The following DIAPH1 variants were observed in gnomAD, a reference collection of about 807,000 sequenced individuals.
DIAPH1 encodes the protein protein diaphanous homolog 1.
Under a neutral mutation model 140.7 loss-of-function variants are expected in DIAPH1, and 46 were observed. The ratio of observed to expected loss-of-function variants is 0.33; its 90% CI spans 0.26 to 0.42. DIAPH1 has a LOEUF of 0.42. Among genes scored for constraint, DIAPH1 ranks in the 10% least tolerant of loss-of-function variants. The pLI, the probability that DIAPH1 is intolerant of heterozygous loss-of-function variation, is 1.00. For missense variants in DIAPH1, 1,310 were observed against 1,558.7 expected, an observed-to-expected ratio of 0.84 and a Z score of 2.69; for synonymous variants, 565 against 551.6, an observed-to-expected ratio of 1.02 and a Z score of -0.34.
At chr5:141,521,682 CCT>C (rs1278606466) in intron 27 of DIAPH1, among the ~76,000 whole-genome samples, 1 of 152,140 alleles carries the variant, frequency 6.6e-6, no homozygotes, top group African/African-American at 2.4e-5. Flanking sequence ...TTCCACAGTG[CCT>C]CTGTTTTTTT....
At chr5:141,611,439 G>A (rs1353280520) in intron 1 of DIAPH1, among the ~76,000 whole-genome samples, 1 of 152,034 alleles carries the variant, frequency 6.6e-6, no homozygotes, top group Non-Finnish European at 1.5e-5. Flanking sequence ...CACGCCTGTA[G>A]TCCCAGCTAC....
At chr5:141,572,487 A>C (rs975627427) in intron 16 of DIAPH1, among the ~76,000 whole-genome samples, 6 of 152,296 alleles carry the variant, frequency 3.9e-5, no homozygotes, top group Admixed American at 2.6e-4. Flanking sequence ...ACATCATGGG[A>C]ACAATACTGT....
intron 27 of DIAPH1, among the ~76,000 whole-genome samples, chr5:141,522,592 A>AAAAAAAC (rs2099886725): frequency 1.3e-5 from 2 of 152,090 alleles, no homozygotes; most frequent in African/African-American, 4.8e-5. Context: ...AAAAAAAAAA[A>AAAAAAAC]AAAAAACAAT....
intron 18 of DIAPH1, among the ~76,000 whole-genome samples, chr5:141,567,320 G>A (rs1423034304): frequency 6.6e-6 from 1 of 152,048 alleles, no homozygotes; most frequent in African/African-American, 2.4e-5. Flanking sequence ...GAGGAGGTAT[G>A]GTACTTTTTC....
At chr5:141,522,578 C>CAAAAAAAAAA (rs5871776) in intron 27 of DIAPH1, among the ~76,000 whole-genome samples, 3 of 88,948 alleles carry the variant, frequency 3.4e-5, no homozygotes, top group Admixed American at 1.3e-4. Flanking sequence ...CCGACGGGGT[C>CAAAAAAAAAA]AAAAAAAAAA....
chr5:141,538,946 T>C (rs2099889524), intron 18 of DIAPH1, among the ~76,000 whole-genome samples: 1 of 152,150 alleles, frequency 6.6e-6, no homozygotes, highest in Non-Finnish European at 1.5e-5. Context: ...GATGTCATTG[T>C]CTGATTTTGC....
rs371556441 is a variant in DIAPH1 at position 141,529,284 on chromosome 5, G to A, written c.2677-11C>T. ...TTGCTTAATGAGGTTCTGAAAGACAGAAGAGACATCTCAGCTGGAGGGGAA... is the reference window on the plus strand; with the variant it reads ...TTGCTTAATGAGGTTCTGAAAGACAAAAGAGACATCTCAGCTGGAGGGGAA... On this transcript the variant is annotated splice_polypyrimidine_tract_variant and intron_variant, in intron 20 of 27. Coordinates refer to ENST00000389054, the MANE Select transcript of DIAPH1 (RefSeq NM_005219.5). 128 of 1,608,680 alleles carry A rather than the reference G, an allele frequency of 8.0e-5. No individual in the cohort carries two copies. Among genetic ancestry groups the A allele is most frequent in the Non-Finnish European group, 1.0e-4 (121 of 1,175,122 alleles).
chr5:141,574,895 G>A, intron 15 of DIAPH1, 72 bp downstream of exon 15: 2 of 1,534,354 alleles, frequency 1.3e-6, no homozygotes, highest in South Asian at 2.2e-5. Context: ...GGAGCGAGAT[G>A]ACTGACTCCT....
rs1212603939 is a variant in DIAPH1, at chr5:141,618,905, G to C, written c.10C>G (p.Pro4Ala). 2.0e-6 allele frequency: 3 copies of C among 1,510,036 alleles called. No homozygotes were observed. Among genetic ancestry groups the C allele is most frequent in the East Asian group, 2.8e-5 (1 of 35,906 alleles). The allele number at this position is 1,510,036 out of a possible 1,614,324, so 93.5% of individuals were successfully genotyped here. ...CGGCCGGGCCCCAGGCTCCCGCCGG[G>C]CGGCTCCATGTCCCGGTTCACGCTG... MEP[P>A]GGSLGPGRGT... is the part of the protein sequence containing the mutation. The change falls in exon 1 of 28, where the codon CCC (proline) becomes GCC (alanine). Residue 4 changes from proline (P) to alanine (A), a missense_variant. Physicochemically the swap from Pro to Ala is conservative, Grantham distance 27. This residue lies in a region of DIAPH1 where 377 missense variants were observed against 497.1 expected (regional missense o/e 0.76). Transcript: ENST00000389054.
intron 7 of DIAPH1, among the ~76,000 whole-genome samples, chr5:141,581,223 G>T (rs1297795745): frequency 6.6e-6 from 1 of 152,158 alleles, no homozygotes; most frequent in African/African-American, 2.4e-5. Context: ...AAGATAAGGA[G>T]TGCCAAGGAT....
intron 1 of DIAPH1, among the ~76,000 whole-genome samples, chr5:141,616,633 GAAGA>G (rs1452664777): frequency 2.0e-5 from 3 of 152,160 alleles, no homozygotes; most frequent in African/African-American, 4.8e-5. Flanking sequence ...GGAGCAAGAG[GAAGA>G]AAGAATATTC....
rs1440077892 is a variant in DIAPH1 at position 141,528,509 on chromosome 5, T to C, written c.3092A>G (p.Tyr1031Cys). 2 of 1,614,120 alleles carry C rather than the reference T, an allele frequency of 1.2e-6. No individual in the cohort carries two copies. The highest frequency in any genetic ancestry group is 2.2e-5 in the East Asian group (1 of 44,894). ...GTCTGGAAACTTGAGGACATCGGGA[T>C]AGTCATTCTCACACAACTCAGCCAA... ...HFLAELCEND[Y>C]PDVLKFPDEL... The change falls in exon 23 of 28, where the codon TAT (tyrosine) becomes TGT (cysteine). Residue 1031 changes from tyrosine (Y) to cysteine (C), a missense_variant. Transcript: ENST00000389054.
At chr5:141,569,688 G>C (rs1423905435) in intron 18 of DIAPH1, among the ~76,000 whole-genome samples, 1 of 152,098 alleles carries the variant, frequency 6.6e-6, no homozygotes, top group Non-Finnish European at 1.5e-5. Flanking sequence ...CTTGAACCCG[G>C]GAGGCGAAGG....
chr5:141,552,747 A>T (rs1375849330), intron 18 of DIAPH1, among the ~76,000 whole-genome samples: 3 of 152,198 alleles, frequency 2.0e-5, no homozygotes, highest in African/African-American at 7.2e-5. Context: ...AAGGAGAGGA[A>T]ATCTGGACAC....
chr5:141,576,979 A>C, intron 12 of DIAPH1, 108 bp from the exon 13 acceptor site: 2 of 744,908 alleles, frequency 2.7e-6, no homozygotes, highest in East Asian at 2.7e-5. Context: ...AGACCTGGAA[A>C]AACTTTTGTA....
intron 1 of DIAPH1, among the ~76,000 whole-genome samples, chr5:141,610,932 G>GA (rs1395851294): frequency 1.3e-5 from 2 of 150,412 alleles, no homozygotes; most frequent in African/African-American, 4.9e-5. Context: ...AAAAGAAAAA[G>GA]AAAAAAATCA....
intron 1 of DIAPH1, among the ~76,000 whole-genome samples, chr5:141,601,115 A>C (rs1193781030): frequency 6.6e-6 from 1 of 152,112 alleles, no homozygotes; most frequent in Non-Finnish European, 1.5e-5. Flanking sequence ...ATTAGGAGAT[A>C]CACCTAATGT....
At chr5:141,582,866 ATAT>A (rs1320920278) in intron 6 of DIAPH1, among the ~76,000 whole-genome samples, 4 of 152,218 alleles carry the variant, frequency 2.6e-5, no homozygotes, top group African/African-American at 9.6e-5. Flanking sequence ...AGTCCCAAGT[ATAT>A]TATAAGACTT....
intron 18 of DIAPH1, among the ~76,000 whole-genome samples, chr5:141,557,248 A>C (rs934096013): frequency 6.6e-6 from 1 of 152,134 alleles, no homozygotes; most frequent in Non-Finnish European, 1.5e-5. Flanking sequence ...AAAAGTCCTA[A>C]TTTTTTTGAC....
Sources: allele counts gnomAD v4.1 joint callset (sites outside exome capture counted in the v4.1 genomes callset), GRCh38; gene constraint gnomAD v4.1.1; regional missense constraint gnomAD v4.1.1; transcripts MANE v1.5; gene names NCBI Gene and HGNC (gene_info 2026-07-23, HGNC 2026-07-21).